NDUFA13: variants seen among roughly 807,000 people sequenced by gnomAD.
NDUFA13 encodes NADH:ubiquinone oxidoreductase subunit A13.
Under a neutral mutation model 17.0 loss-of-function variants are expected in NDUFA13, and 16 were observed. The observed-to-expected ratio is 0.94, with a 90% CI of 0.64 to 1.43. The LOEUF is 1.43. NDUFA13 is among the 40% of genes most tolerant of loss of function. NDUFA13 has a pLI of 0.00. For missense variants in NDUFA13, 228 were observed against 206.7 expected, an observed-to-expected ratio of 1.10 and a Z score of -0.63; for synonymous variants, 87 against 78.4, an observed-to-expected ratio of 1.11 and a Z score of -0.58.
intron 1 of NDUFA13, among the ~76,000 whole-genome samples, chr19:19,518,122 T>TAAA (rs1158640419): frequency 1.5e-5 from 2 of 137,350 alleles, no homozygotes. Flanking sequence ...TACCAAAAAT[T>TAAA]AAAAAAAAAA....
At position 19,516,279 on chromosome 19, in the gene NDUFA13, G is replaced by C. The variant is rs140066197; in HGVS notation, c.41G>C (p.Gly14Ala). 64 of 1,613,824 alleles carry C rather than the reference G, an allele frequency of 4.0e-5. No individual in the cohort carries two copies. Among genetic ancestry groups the C allele is most frequent in the Middle Eastern group, 3.3e-4 (2 of 6,084 alleles). Residue 14 changes from glycine to alanine, a missense_variant, in exon 1 of 5, where the codon GGG becomes GCG. Physicochemically the swap from Gly to Ala is moderately conservative, Grantham distance 60. Transcript: ENST00000507754. The stretch of plus-strand genomic sequence containing the variant: ...GTGAAGCAGGACATGCCTCCGCCGG[G>C]GGGCTATGGGCCCATCGACTACAAA... ...SKVKQDMPPP[G>A]GYGPIDYKRN...
intron 1 of NDUFA13, among the ~76,000 whole-genome samples, chr19:19,520,941 C>T (rs531515501): frequency 6.6e-6 from 1 of 152,318 alleles, no homozygotes; most frequent in South Asian, 2.1e-4. Flanking sequence ...GGTCATCCAC[C>T]TACTCTTTGG....
intron 2 of NDUFA13, 55 bp from the exon 3 acceptor site, chr19:19,527,226 G>T: frequency 6.3e-7 from 1 of 1,599,468 alleles, no homozygotes. Context: ...TGTGCTGCCT[G>T]TGCTCCCCCG....
chr19:19,516,961 G>T (rs1270449553), intron 1 of NDUFA13, among the ~76,000 whole-genome samples: 1 of 151,972 alleles, frequency 6.6e-6, no homozygotes, highest in Non-Finnish European at 1.5e-5. Flanking sequence ...CTAACTTTGT[G>T]TTTTTAGTAG....
intron 1 of NDUFA13, among the ~76,000 whole-genome samples, chr19:19,524,315 C>T (rs1226308846): frequency 1.3e-5 from 2 of 152,260 alleles, no homozygotes; most frequent in African/African-American, 4.8e-5. Flanking sequence ...TCTCATACAT[C>T]TCTGTTCTAT....
In NDUFA13 at chr19:19,525,965, AG is replaced by A. The variant is rs1259705359; in HGVS notation, c.95-216del. 2.9e-6 allele frequency: 4 copies of A among 1,396,062 alleles called. No homozygotes were observed. The African/African-American group carries it at 5.8e-5, about 20-fold the overall frequency. The allele number at this position is 1,396,062 out of a possible 1,614,324, so 86.5% of individuals were successfully genotyped here. On this transcript the variant is annotated intron_variant, in intron 1 of 4. Transcript: ENST00000507754. ...AACACGATGGACCTGGGGCCCCCCTAGCAACCACCATCTAGACCCTCAGGCC... is the reference window on the plus strand; with the variant it reads ...AACACGATGGACCTGGGGCCCCCCTACAACCACCATCTAGACCCTCAGGCC...
In NDUFA13 at chr19:19,523,925, G is replaced by T. The variant is rs146393543; in HGVS notation, c.95-2257G>T. On this transcript the variant is annotated intron_variant, in intron 1 of 4. Coordinates refer to ENST00000507754, the MANE Select transcript of NDUFA13 (RefSeq NM_015965.7). ...AGCCTGGGCTACAGAGCGAGACTTT[G>T]TCTCAAAAAATAAAATAAAATACGT... 4.9e-3 allele frequency among the ~76,000 whole-genome samples: 743 copies of T among 152,262 alleles called. 13 individuals are homozygous for T. Among genetic ancestry groups the T allele is most frequent in the Non-Finnish European group, 4.4e-3 (302 of 68,028 alleles).
chr19:19,519,765 G>GCCTCCTCTCCCTCTGT (rs138951922), intron 1 of NDUFA13, among the ~76,000 whole-genome samples: 23,440 of 151,736 alleles, frequency 0.15, 1,938 homozygotes, highest in Middle Eastern at 0.28. Context: ...CACAGGCCCT[G>GCCTCCTCTCCCTCTGT]CCTCCTCTCC....
chr19:19,526,157 C>G (rs944757888), intron 1 of NDUFA13, 25 bp from the exon 2 acceptor site: 4 of 1,611,810 alleles, frequency 2.5e-6, no homozygotes, highest in Non-Finnish European at 3.4e-6. Flanking sequence ...CGGGCTGGCC[C>G]GCTGAGCAGC....
In NDUFA13 at chr19:19,527,303, G is replaced by A. The variant is rs202132650; in HGVS notation, c.196G>A (p.Glu66Lys). Reference protein sequence around the residue: ...ERRRLQIEDFEARIALLPLLQ... With the variant: ...ERRRLQIEDFKARIALLPLLQ... Reference sequence around the variant, plus strand: ...CAGGCGCCTACAAATCGAGGACTTCGAGGCTCGCATCGCGCTGTTGCCACT... The same window carrying A: ...CAGGCGCCTACAAATCGAGGACTTCAAGGCTCGCATCGCGCTGTTGCCACT... The change falls in exon 3 of 5, where the codon GAG becomes AAG. Residue 66 changes from glutamate (E) to lysine (K), a missense_variant. Physicochemically the swap from Glu to Lys is moderately conservative, Grantham distance 56. Transcript: ENST00000507754. 1.7e-5 allele frequency: 28 copies of A among 1,613,972 alleles called. No homozygotes were observed. Among genetic ancestry groups the A allele is most frequent in the African/African-American group, 4.0e-5 (3 of 75,064 alleles).
At chr19:19,518,813 G>T (rs2061062889) in intron 1 of NDUFA13, among the ~76,000 whole-genome samples, 1 of 139,220 alleles carries the variant, frequency 7.2e-6, no homozygotes, top group Non-Finnish European at 1.5e-5. Flanking sequence ...TGCAATCTTG[G>T]CTCACCGCAA....
At chr19:19,517,568 T>C (rs572985695) in intron 1 of NDUFA13, among the ~76,000 whole-genome samples, 1 of 152,362 alleles carries the variant, frequency 6.6e-6, no homozygotes, top group South Asian at 2.1e-4. Context: ...TTATGCACAT[T>C]ATTCCTCAAT....
At position 19,525,592 on chromosome 19, in the gene NDUFA13, GCCCAGGCCTCTCTGAAGAT is replaced by G. The variant is rs1311732932; in HGVS notation, c.95-584_95-566del. 7.9e-5 allele frequency among the ~76,000 whole-genome samples: 12 copies of G among 152,352 alleles called. No homozygotes were observed. In the East Asian group the frequency reaches 2.3e-3, roughly 29 times the overall value. On this transcript the variant is annotated intron_variant, in intron 1 of 4. Transcript: ENST00000507754. ...GAGCCTGGGAGCCAGATCCCAGACA[GCCCAGGCCTCTCTGAAGAT>G]CCCAGTGGGCCCCCAGCCTGTCAGT...
chr19:19,522,444 A>G (rs953149611), intron 1 of NDUFA13, among the ~76,000 whole-genome samples: 1 of 143,450 alleles, frequency 7.0e-6, no homozygotes, highest in African/African-American at 2.7e-5. Context: ...TAAGAGTATT[A>G]TAGTTTCAGC....
chr19:19,519,045 A>ATTTTTTTTTTTTTTTTTTTTTT lies in NDUFA13; in HGVS notation c.94+2730_94+2731insTTTTTTTTTTTTTTTTTTTTTT, dbSNP rs71170693. On this transcript the variant is annotated intron_variant, in intron 1 of 4. Coordinates refer to ENST00000507754, the MANE Select transcript of NDUFA13 (RefSeq NM_015965.7). ...AGGTGTGAGCCACTGGGCCCGGCCTATTTTTTTTTTTTTTTTTGTATTTTT... is the reference window on the plus strand; with the variant it reads ...AGGTGTGAGCCACTGGGCCCGGCCTATTTTTTTTTTTTTTTTTTTTTTTTTTTTTTTTTTTTTTTGTATTTTT... Among the ~76,000 whole-genome samples the ATTTTTTTTTTTTTTTTTTTTTT allele has an allele frequency of 4.4e-5, 5 of 114,876 alleles. 1 individual carries two copies. The highest frequency in any genetic ancestry group is 1.5e-4 in the African/African-American group (4 of 26,302). The allele number at this position is 114,876 out of a possible 152,430, so 75.4% of individuals were successfully genotyped here.
intron 1 of NDUFA13, among the ~76,000 whole-genome samples, chr19:19,523,871 A>G (rs986028466): frequency 6.6e-6 from 1 of 152,222 alleles, no homozygotes; most frequent in African/African-American, 2.4e-5. Context: ...CGGAGGTTGC[A>G]GTGGGCTGAG....
At chr19:19,521,477 C>CA (rs2061077275) in intron 1 of NDUFA13, among the ~76,000 whole-genome samples, 3 of 152,292 alleles carry the variant, frequency 2.0e-5, no homozygotes, top group Admixed American at 2.0e-4. Flanking sequence ...CTCAGCCTCT[C>CA]AAAGTGCTGA....
chr19:19,526,038 T>TCC, intron 1 of NDUFA13, 144 bp from the exon 2 acceptor site: 1 of 1,518,092 alleles, frequency 6.6e-7, no homozygotes, highest in Non-Finnish European at 8.8e-7. Context: ...ACCCCTGGCA[T>TCC]GGGGGCAGAG....
rs771671444 is a variant in NDUFA13, at chr19:19,526,102, G to A, written c.95-80G>A. 5 of 1,576,190 alleles carry A rather than the reference G, an allele frequency of 3.2e-6. No homozygotes were observed. The South Asian group carries it at 3.4e-5, about 11-fold the overall frequency. On this transcript the variant is annotated intron_variant, in intron 1 of 4. Coordinates refer to ENST00000507754, the MANE Select transcript of NDUFA13 (RefSeq NM_015965.7). The stretch of plus-strand genomic sequence containing the variant: ...GAGAAGCCGCCAGTGTCCCCTGATT[G>A]CAGAGTGGGCAGCGCCTGGAGCTGT...
Sources: allele counts gnomAD v4.1 joint callset (sites outside exome capture counted in the v4.1 genomes callset), GRCh38; gene constraint gnomAD v4.1.1; transcripts MANE v1.5; gene names NCBI Gene and HGNC (gene_info 2026-07-23, HGNC 2026-07-21).